Variants in RSF1 observed in about 807,000 individuals in gnomAD.
RSF1 encodes HBV pX-associated protein 8.
A neutral mutation model predicts 145.2 loss-of-function variants in RSF1; 13 were observed. That is an observed-to-expected ratio of 0.09 (90% CI 0.06 to 0.14). The LOEUF (loss-of-function observed/expected upper bound fraction) is 0.14, where lower values mean the gene tolerates loss of function less well. Among genes scored for constraint, RSF1 ranks in the 10% least tolerant of loss-of-function variants. RSF1 has a pLI of 1.00. For missense variants in RSF1, 1,517 were observed against 1,718.2 expected, an observed-to-expected ratio of 0.88 and a Z score of 2.07; for synonymous variants, 577 against 592.6, an observed-to-expected ratio of 0.97 and a Z score of 0.38.
chr11:77,754,417 T>C (rs1429154306), intron 2 of RSF1, among the ~76,000 whole-genome samples: 4 of 151,594 alleles, frequency 2.6e-5, no homozygotes, highest in African/African-American at 7.3e-5. Flanking sequence ...GCCTGGGTAA[T>C]GTAGGGAGAC....
chr11:77,694,582 A>C (rs1176681996), intron 7 of RSF1, among the ~76,000 whole-genome samples: 1 of 152,236 alleles, frequency 6.6e-6, no homozygotes, highest in Non-Finnish European at 1.5e-5. Context: ...GAAGAGTTTC[A>C]AGATGGTACA....
At chr11:77,834,585 T>C in the RSF1 span, among the ~76,000 whole-genome samples, 1 of 152,106 alleles carries the variant, frequency 6.6e-6, no homozygotes, top group Non-Finnish European at 1.5e-5. Flanking sequence ...CAGCTAATTT[T>C]TGTATTTTTG....
At chr11:77,754,074 T>C (rs1210650280) in intron 2 of RSF1, among the ~76,000 whole-genome samples, 1 of 152,230 alleles carries the variant, frequency 6.6e-6, no homozygotes, top group African/African-American at 2.4e-5. Context: ...TGATTCTATC[T>C]TGGTAAAACT....
intron 1 of RSF1, among the ~76,000 whole-genome samples, chr11:77,793,392 G>A (rs936759375): frequency 6.6e-5 from 10 of 152,202 alleles, no homozygotes; most frequent in Non-Finnish European, 1.2e-4. Context: ...GGCTAAGGCA[G>A]AAGATTGCTT....
upstream of RSF1, among the ~76,000 whole-genome samples, chr11:77,825,801 C>T (rs201562723): frequency 2.7e-4 from 41 of 151,784 alleles, no homozygotes; most frequent in East Asian, 6.8e-3. Context: ...AAGTGATTCT[C>T]CTGCCTCAGC....
chr11:77,844,385 G>A, the RSF1 span, among the ~76,000 whole-genome samples: 2 of 151,200 alleles, frequency 1.3e-5, no homozygotes, highest in East Asian at 1.9e-4. Flanking sequence ...TTTTTTTGGA[G>A]ACAGTCTCCC....
In RSF1 at chr11:77,701,136, T is replaced by C. The variant is rs769533616; in HGVS notation, c.2093A>G (p.Lys698Arg). ...TSGIEEPSET[K>R]GSMQKSKFKY... ...GAATTTGCTTTTTTGCATAGAACCCTTTGTCTCAGAAGGCTCCTCTATGCC... is the reference window on the plus strand; with the variant it reads ...GAATTTGCTTTTTTGCATAGAACCCCTTGTCTCAGAAGGCTCCTCTATGCC... The change falls in exon 6 of 16, where the codon AAG (lysine) becomes AGG (arginine). Residue 698 changes from lysine (K) to arginine (R), a missense_variant. This residue lies in a region of RSF1 where 579 missense variants were observed against 553.5 expected (regional missense o/e 1.05). Coordinates refer to ENST00000308488, the MANE Select transcript of RSF1 (RefSeq NM_016578.4). 1.2e-6 allele frequency: 2 copies of C among 1,613,962 alleles called. No individual in the cohort carries two copies. The highest frequency in any genetic ancestry group is 1.7e-6 in the Non-Finnish European group (2 of 1,180,006).
chr11:77,732,564 C>A (rs1017463843), intron 4 of RSF1, among the ~76,000 whole-genome samples: 2 of 152,188 alleles, frequency 1.3e-5, no homozygotes, highest in Non-Finnish European at 2.9e-5. Context: ...CAATTCCCAT[C>A]TGCTGTGGGA....
chr11:77,779,209 C>T (rs1193827469), intron 1 of RSF1, among the ~76,000 whole-genome samples: 2 of 151,182 alleles, frequency 1.3e-5, no homozygotes, highest in African/African-American at 4.9e-5. Context: ...CTCCCAAAGG[C>T]CATTTATTTA....
In RSF1 at chr11:77,701,178, T is replaced by A. The variant is rs112946178; in HGVS notation, c.2051A>T (p.Asp684Val). The part of the protein sequence containing the change: ...EFTKVEMDNL[D>V]NAQTSGIEEP... ...CTCTATGCCAGAGGTCTGGGCATTGTCCAGATTATCCATTTCTACCTTTGT... is the reference window on the plus strand; with the variant it reads ...CTCTATGCCAGAGGTCTGGGCATTGACCAGATTATCCATTTCTACCTTTGT... Residue 684 changes from aspartate (D) to valine (V), a missense_variant, in exon 6 of 16, where the codon GAC becomes GTC. Physicochemically the swap from Asp to Val is radical, Grantham distance 152. Around this residue, in one of 12 missense-constraint regions of RSF1, gnomAD observed 579 missense variants for 553.5 expected, o/e 1.05. Transcript: ENST00000308488. 1 of 1,614,028 alleles carries A rather than the reference T, an allele frequency of 6.2e-7. No homozygotes were observed. The highest frequency in any genetic ancestry group is 1.3e-5 in the African/African-American group (1 of 74,924).
chr11:77,796,400 T>A (rs571786998), intron 1 of RSF1, among the ~76,000 whole-genome samples: 1 of 152,220 alleles, frequency 6.6e-6, no homozygotes, highest in East Asian at 1.9e-4. Context: ...ACAGAACCAA[T>A]GACAAAAATT....
rs1469824308 is a variant in RSF1 at position 77,781,553 on chromosome 11, T to C, written c.188-16864A>G. ...TAACCTAATAAGAAACTCCCAAACA[T>C]TTTGCCAATGTAAGTTGTACCATTT... On this transcript the variant is annotated intron_variant, in intron 1 of 15. Transcript: ENST00000308488. Among the ~76,000 whole-genome samples, 3 of 152,246 alleles carry C rather than the reference T, an allele frequency of 2.0e-5. No individual in the cohort carries two copies. The South Asian group carries it at 6.2e-4, about 32-fold the overall frequency.
chr11:77,685,222 T>C, intron 9 of RSF1, 63 bp from the exon 10 acceptor site: 5 of 892,796 alleles, frequency 5.6e-6, no homozygotes, highest in African/African-American at 1.7e-5. Context: ...TATGTAAACA[T>C]CACGAATACA....
chr11:77,699,422 A>AAACTTAAAAG (rs1960359726), intron 6 of RSF1, among the ~76,000 whole-genome samples: 1 of 32 alleles, frequency 0.031, no homozygotes. Flanking sequence ...ACAAAAGAAG[A>AAACTTAAAAG]AAACATTAAA....
At chr11:77,688,504 A>G (rs1960068475) in intron 9 of RSF1, among the ~76,000 whole-genome samples, 1 of 152,240 alleles carries the variant, frequency 6.6e-6, no homozygotes, top group African/African-American at 2.4e-5. Context: ...TGCAGTGTCA[A>G]AAATAAAAAC....
intron 1 of RSF1, among the ~76,000 whole-genome samples, chr11:77,777,338 T>C (rs1043272842): frequency 6.6e-6 from 1 of 152,202 alleles, no homozygotes; most frequent in African/African-American, 2.4e-5. Context: ...AGGCCTGTAA[T>C]CCCAGCACTT....
At chr11:77,809,615 G>C (rs1014756895) in intron 1 of RSF1, among the ~76,000 whole-genome samples, 2 of 152,130 alleles carry the variant, frequency 1.3e-5, no homozygotes, top group Non-Finnish European at 2.9e-5. Flanking sequence ...TCTAAAATGA[G>C]GATTATGGAA....
chr11:77,676,683 A>G (rs1052811474), intron 13 of RSF1, 109 bp downstream of exon 13: 1 of 799,262 alleles, frequency 1.3e-6, no homozygotes, highest in East Asian at 2.5e-5. Flanking sequence ...GAGGTTGTCT[A>G]TGTACATGAA....
At chr11:77,714,072 A>T (rs1960750335) in intron 5 of RSF1, among the ~76,000 whole-genome samples, 1 of 152,228 alleles carries the variant, frequency 6.6e-6, no homozygotes, top group South Asian at 2.1e-4. Flanking sequence ...AATTAAAGCA[A>T]TGTACTTTAT....
Sources: gnomAD v4.1 joint callset for allele counts (sites outside exome capture counted in the v4.1 genomes callset) on GRCh38, gnomAD v4.1.1 for gene constraint, gnomAD v4.1.1 regional missense constraint, MANE v1.5 for transcripts, NCBI Gene and HGNC (gene_info 2026-07-23, HGNC 2026-07-21) for gene names.